ZDHHC13: variants seen among roughly 807,000 people sequenced by gnomAD.
The protein encoded by ZDHHC13 is palmitoyltransferase ZDHHC13.
A neutral mutation model predicts 86.0 loss-of-function variants in ZDHHC13; 85 were observed. The observed-to-expected ratio is 0.99, with a 90% CI of 0.83 to 1.18. The LOEUF (loss-of-function observed/expected upper bound fraction) is 1.18, where lower values mean the gene tolerates loss of function less well. ZDHHC13 is among the 50% of genes most tolerant of loss of function. The probability of loss-of-function intolerance (pLI) is 0.00; values close to 1 mark genes in which losing one functional copy is unlikely to be tolerated. For synonymous variants in ZDHHC13, 263 were observed against 246.4 expected (o/e 1.07, Z -0.63); for missense variants, 711 against 730.2 (o/e 0.97, Z 0.30).
chr11:19,172,282 A>G (rs1850244497), intron 15 of ZDHHC13, among the ~76,000 whole-genome samples: 1 of 152,128 alleles, frequency 6.6e-6, no homozygotes, highest in Admixed American at 6.5e-5. Context: ...CACGTTGGCC[A>G]GGCTGCTCTC....
chr11:19,117,279 G>T lies in ZDHHC13; in HGVS notation c.27+3G>T. 6.8e-7 allele frequency: 1 copy of T among 1,480,368 alleles called. No individual in the cohort carries two copies. 91.7% of individuals were successfully genotyped at this position (1,480,368 alleles called of 1,614,324 possible). On this transcript the variant is annotated splice_donor_region_variant and intron_variant, in intron 1 of 16. Coordinates refer to ENST00000446113, the MANE Select transcript of ZDHHC13 (RefSeq NM_019028.3). The surrounding 1 kb of genome is among the most constrained non-coding windows in gnomAD (Gnocchi z 4.2). ...AGGGGCCGGGGCTGGGCTCGCAGGT[G>T]AGTGCGGCCGGGCGGTGGCTGTCCT...
chr11:19,174,175 A>G (rs1204726430), intron 16 of ZDHHC13, among the ~76,000 whole-genome samples: 1 of 152,230 alleles, frequency 6.6e-6, no homozygotes, highest in African/African-American at 2.4e-5. Flanking sequence ...TGGAAACACC[A>G]GACAAAGGGA....
chr11:19,156,026 C>CT, intron 9 of ZDHHC13, 97 bp downstream of exon 9: 1 of 1,392,776 alleles, frequency 7.2e-7, no homozygotes, highest in Non-Finnish European at 9.5e-7. Flanking sequence ...TTTTATCATG[C>CT]TGTAAATATT....
intron 1 of ZDHHC13, among the ~76,000 whole-genome samples, chr11:19,119,203 C>G (rs183645607): frequency 5.3e-5 from 8 of 152,074 alleles, no homozygotes; most frequent in African/African-American, 1.9e-4. Flanking sequence ...CTCCGCCTCC[C>G]GGGTTCATAT....
chr11:19,146,228 ATGTC>A lies in ZDHHC13; in HGVS notation c.222_225del (p.Asp74GlufsTer24). ...AAAGAGTTGGTAGAAGCAGGATATG[ATGTC>A]AGGCAACCAGATAAAGAAAATGTGT... is the stretch of plus-strand genomic sequence containing the variant. On this transcript the variant is annotated frameshift_variant, in exon 3 of 17. Transcript: ENST00000446113. LOFTEE classifies it high-confidence loss of function. 1 of 1,612,074 alleles carries A rather than the reference ATGTC, an allele frequency of 6.2e-7. No homozygotes were observed. Among genetic ancestry groups the A allele is most frequent in the Admixed American group, 1.7e-5 (1 of 59,772 alleles).
At position 19,139,302 on chromosome 11, in the gene ZDHHC13, C is replaced by T. The variant is rs1189221332; in HGVS notation, c.28-3676C>T. ...AACAGAGAGCCAAATTATGAGTGAA[C>T]TCCCATTCACAATTGCTTCAAAGAG... On this transcript the variant is annotated intron_variant, in intron 1 of 16. Coordinates refer to ENST00000446113, the MANE Select transcript of ZDHHC13 (RefSeq NM_019028.3). 4.0e-3 allele frequency among the ~76,000 whole-genome samples: 610 copies of T among 151,504 alleles called. 5 individuals carry two copies. The highest frequency in any genetic ancestry group is 0.014 in the African/African-American group (575 of 40,818).
intron 1 of ZDHHC13, among the ~76,000 whole-genome samples, chr11:19,142,240 G>C (rs939284939): frequency 6.6e-6 from 1 of 152,158 alleles, no homozygotes; most frequent in Admixed American, 6.5e-5. Flanking sequence ...AGCAAGGACT[G>C]TTTTCACTCC....
intron 1 of ZDHHC13, among the ~76,000 whole-genome samples, chr11:19,138,512 G>A (rs1221163657): frequency 9.9e-5 from 15 of 151,934 alleles, no homozygotes; most frequent in South Asian, 2.1e-4. Context: ...CATTCCTTCT[G>A]AAACTATTCC....
At position 19,163,437 on chromosome 11, in the gene ZDHHC13, C is replaced by T; in HGVS notation, c.1233+10C>T. On this transcript the variant is annotated intron_variant, in intron 11 of 16. Coordinates refer to ENST00000446113, the MANE Select transcript of ZDHHC13 (RefSeq NM_019028.3). Reference sequence around the variant, plus strand: ...AGAAGAAAAGAAAGTGGTGAGATTTCTTCGTTACTGATATTTTTAATAGGA... The same window carrying T: ...AGAAGAAAAGAAAGTGGTGAGATTTTTTCGTTACTGATATTTTTAATAGGA... 6.3e-7 allele frequency: 1 copy of T among 1,574,814 alleles called. No individual in the cohort carries two copies. The highest frequency in any genetic ancestry group is 8.6e-7 in the Non-Finnish European group (1 of 1,166,590).
At chr11:19,165,270 G>T in intron 13 of ZDHHC13, 125 bp downstream of exon 13, 2 of 827,412 alleles carry the variant, frequency 2.4e-6, no homozygotes, top group Non-Finnish European at 1.9e-6. Flanking sequence ...AATAGCAATG[G>T]GCCCATGCAT....
chr11:19,139,706 C>T (rs1301106239), intron 1 of ZDHHC13, among the ~76,000 whole-genome samples: 1 of 149,734 alleles, frequency 6.7e-6, no homozygotes, highest in East Asian at 2.0e-4. Context: ...GGTACTGGTA[C>T]CAAAACAGAG....
intron 4 of ZDHHC13, among the ~76,000 whole-genome samples, chr11:19,148,463 A>G (rs1380672479): frequency 6.6e-6 from 1 of 152,148 alleles, no homozygotes; most frequent in Non-Finnish European, 1.5e-5. Flanking sequence ...AGCTCTTAAT[A>G]TTATCACAGT....
chr11:19,143,175 T>C, intron 2 of ZDHHC13, 52 bp downstream of exon 2: 1 of 1,555,686 alleles, frequency 6.4e-7, no homozygotes, highest in South Asian at 1.2e-5. Flanking sequence ...GAATTAATAG[T>C]AATATATGTG....
intron 1 of ZDHHC13, among the ~76,000 whole-genome samples, chr11:19,140,136 A>G (rs1210081393): frequency 2.7e-5 from 4 of 149,446 alleles, no homozygotes; most frequent in African/African-American, 9.9e-5. Context: ...GCAACCTACA[A>G]CATGGGAGAA....
intron 1 of ZDHHC13, among the ~76,000 whole-genome samples, chr11:19,119,014 C>G (rs921936453): frequency 2.4e-4 from 37 of 152,362 alleles, no homozygotes; most frequent in African/African-American, 8.4e-4. Context: ...CATTACTGCT[C>G]TCATTGAATT....
At chr11:19,129,908 C>T (rs753883021) in intron 1 of ZDHHC13, among the ~76,000 whole-genome samples, 8 of 152,096 alleles carry the variant, frequency 5.3e-5, no homozygotes, top group East Asian at 3.9e-4. Context: ...CTGGCTAACA[C>T]GGTGAAACCC....
intron 1 of ZDHHC13, among the ~76,000 whole-genome samples, chr11:19,139,924 T>C (rs1849262573): frequency 7.1e-6 from 1 of 140,956 alleles, no homozygotes; most frequent in African/African-American, 2.7e-5. Flanking sequence ...TCAAGATGGA[T>C]TAAAGACTTA....
intron 3 of ZDHHC13, 35 bp from the exon 4 acceptor site, chr11:19,147,561 C>A (rs997292844): frequency 6.5e-7 from 1 of 1,536,342 alleles, no homozygotes; most frequent in African/African-American, 1.4e-5. Flanking sequence ...GCTTAAGTTT[C>A]AAATCTTACT....
intron 1 of ZDHHC13, among the ~76,000 whole-genome samples, chr11:19,119,893 C>G (rs1314484574): frequency 6.6e-6 from 1 of 152,128 alleles, no homozygotes; most frequent in Non-Finnish European, 1.5e-5. Flanking sequence ...GACATGAGAA[C>G]TTTTAATGAG....
Sources: gnomAD v4.1 joint callset for allele counts (sites outside exome capture counted in the v4.1 genomes callset) on GRCh38, gnomAD v4.1.1 for gene constraint, Gnocchi (gnomAD v3.1) non-coding constraint, MANE v1.5 for transcripts, NCBI Gene and HGNC (gene_info 2026-07-23, HGNC 2026-07-21) for gene names.